MCTP2: variants seen among roughly 807,000 people sequenced by gnomAD.
The protein encoded by MCTP2 is multiple C2 and transmembrane domain-containing protein 2.
MCTP2 carries 132 observed loss-of-function variants against 111.6 expected under a neutral mutation model. The ratio of observed to expected loss-of-function variants is 1.18; its 90% CI spans 1.03 to 1.37. MCTP2 has a LOEUF of 1.37. MCTP2 is among the 40% of genes most tolerant of loss of function. MCTP2 has a pLI of 0.00. For synonymous variants in MCTP2, 395 were observed against 387.7 expected (o/e 1.02, Z -0.22); for missense variants, 1,183 against 1,067.9 (o/e 1.11, Z -1.50).
At chr15:94,454,558 T>G (rs1237236440) in intron 19 of MCTP2, among the ~76,000 whole-genome samples, 1 of 151,758 alleles carries the variant, frequency 6.6e-6, no homozygotes, top group Non-Finnish European at 1.5e-5. Flanking sequence ...TTCGAAGATA[T>G]CTCAGTTAAC....
intron 2 of MCTP2, among the ~76,000 whole-genome samples, chr15:94,311,269 C>T (rs182628048): frequency 5.7e-4 from 86 of 151,712 alleles, no homozygotes; most frequent in South Asian, 1.7e-3. Context: ...TCAGGTGATC[C>T]GCCCACCTTG....
intron 1 of MCTP2, among the ~76,000 whole-genome samples, chr15:94,252,413 G>A (rs992576043): frequency 6.6e-6 from 1 of 152,148 alleles, no homozygotes; most frequent in Non-Finnish European, 1.5e-5. Flanking sequence ...ACAGTTGTAA[G>A]ACATGACCTT....
At position 94,315,632 on chromosome 15, in the gene MCTP2, G is replaced by T. The variant is rs150277459; in HGVS notation, c.632G>T (p.Arg211Leu). The T allele has an allele frequency of 6.8e-6, 11 of 1,612,704 alleles. No homozygotes were observed. Among genetic ancestry groups the T allele is most frequent in the African/African-American group, 1.3e-5 (1 of 74,854 alleles). ...KEGRNLVVRD[R>L]CGTSDPYVKF... The stretch of plus-strand genomic sequence containing the variant: ...GGCCGGAACCTGGTTGTCCGAGATC[G>T]CTGTGGTAAGACCTGGGTCTGTTAT... The change falls in exon 4 of 23, where the codon CGC becomes CTC. Residue 211 changes from arginine (R) to leucine (L), a missense_variant. By Grantham distance (102) the Arg-to-Leu change is moderately radical. Transcript: ENST00000357742.
intron 14 of MCTP2, among the ~76,000 whole-genome samples, chr15:94,395,544 G>T (rs189688423): frequency 1.8e-3 from 280 of 152,298 alleles, no homozygotes; most frequent in African/African-American, 6.5e-3. Flanking sequence ...TTCAAGATGA[G>T]AAGTTTTTTT....
At chr15:94,243,677 ATATG>A (rs948064090) in intron 1 of MCTP2, among the ~76,000 whole-genome samples, 1 of 148,926 alleles carries the variant, frequency 6.7e-6, no homozygotes, top group Non-Finnish European at 1.5e-5. Context: ...ATATACACAT[ATATG>A]TATACACATA....
intron 20 of MCTP2, among the ~76,000 whole-genome samples, chr15:94,463,973 A>G (rs1454983253): frequency 6.6e-6 from 1 of 151,464 alleles, no homozygotes; most frequent in East Asian, 1.9e-4. Context: ...GATTTTATTT[A>G]CTTGTTTTTG....
At chr15:94,322,168 G>A (rs557755173) in intron 4 of MCTP2, among the ~76,000 whole-genome samples, 11 of 152,200 alleles carry the variant, frequency 7.2e-5, no homozygotes, top group South Asian at 2.1e-4. Context: ...TAAAAAACAC[G>A]GATCTAATTA....
chr15:94,301,044 T>A (rs2075585123), intron 2 of MCTP2, among the ~76,000 whole-genome samples: 1 of 152,228 alleles, frequency 6.6e-6, no homozygotes, highest in Non-Finnish European at 1.5e-5. Flanking sequence ...ATAGGCAGAT[T>A]CCTTCCAGAA....
intron 12 of MCTP2, among the ~76,000 whole-genome samples, chr15:94,371,737 G>A (rs934557925): frequency 4.6e-5 from 7 of 152,106 alleles, no homozygotes; most frequent in African/African-American, 1.7e-4. Context: ...CGCCCAGGCT[G>A]GAGTACAATG....
At chr15:94,264,459 A>ATT (rs2073390878) in intron 1 of MCTP2, among the ~76,000 whole-genome samples, 1 of 152,074 alleles carries the variant, frequency 6.6e-6, no homozygotes, top group African/African-American at 2.4e-5. Context: ...ATACAAAAAA[A>ATT]TTAGCTGGGC....
chr15:94,454,897 C>A (rs920955383), intron 19 of MCTP2, among the ~76,000 whole-genome samples: 1 of 152,064 alleles, frequency 6.6e-6, no homozygotes, highest in Non-Finnish European at 1.5e-5. Flanking sequence ...CTTGCCTCAC[C>A]GCAACCTCTG....
intron 1 of MCTP2, among the ~76,000 whole-genome samples, chr15:94,244,616 A>G (rs186274096): frequency 1.0e-4 from 15 of 148,550 alleles, no homozygotes; most frequent in African/African-American, 3.0e-4. Flanking sequence ...ACGTATATGT[A>G]TACACATACA....
At chr15:94,238,552 G>A (rs531869438) in intron 1 of MCTP2, among the ~76,000 whole-genome samples, 1 of 152,294 alleles carries the variant, frequency 6.6e-6, no homozygotes, top group East Asian at 1.9e-4. Flanking sequence ...TATTCACTGA[G>A]CATGTGCTAT....
At chr15:94,365,298 G>T (rs2079127225) in intron 10 of MCTP2, among the ~76,000 whole-genome samples, 1 of 152,166 alleles carries the variant, frequency 6.6e-6, no homozygotes, top group Non-Finnish European at 1.5e-5. Context: ...TCTTCAACCT[G>T]TTGCTCAAAG....
At chr15:94,282,874 C>T (rs1458209883) in intron 1 of MCTP2, among the ~76,000 whole-genome samples, 1 of 152,122 alleles carries the variant, frequency 6.6e-6, no homozygotes, top group Non-Finnish European at 1.5e-5. Flanking sequence ...AGGCCAGCAG[C>T]TTGGTTCTCT....
chr15:94,380,925 A>G (rs1003116970), intron 12 of MCTP2, among the ~76,000 whole-genome samples: 1 of 152,226 alleles, frequency 6.6e-6, no homozygotes, highest in Non-Finnish European at 1.5e-5. Flanking sequence ...TTTTAAAGCA[A>G]TGTTGGAAAA....
chr15:94,330,421 T>A (rs2077078374), intron 4 of MCTP2, among the ~76,000 whole-genome samples: 1 of 152,224 alleles, frequency 6.6e-6, no homozygotes, highest in South Asian at 2.1e-4. Context: ...GGAACACAGA[T>A]TACTAATATG....
chr15:94,441,013 A>T (rs781534064), intron 18 of MCTP2, among the ~76,000 whole-genome samples: 2 of 151,678 alleles, frequency 1.3e-5, no homozygotes, highest in East Asian at 1.9e-4. Flanking sequence ...TTTTTTTATG[A>T]TGTAATCTAG....
At chr15:94,407,566 A>G (rs57976317) in intron 17 of MCTP2, among the ~76,000 whole-genome samples, 54 of 152,310 alleles carry the variant, frequency 3.5e-4, no homozygotes, top group African/African-American at 1.3e-3. Flanking sequence ...AATATGATAC[A>G]CAAATTAAAG....
Sources: allele counts gnomAD v4.1 joint callset (sites outside exome capture counted in the v4.1 genomes callset), GRCh38; gene constraint gnomAD v4.1.1; transcripts MANE v1.5; gene names NCBI Gene and HGNC (gene_info 2026-07-23, HGNC 2026-07-21).